The following CSMD1 variants were observed in gnomAD, a reference collection of about 807,000 sequenced individuals.
CSMD1 encodes CUB and Sushi multiple domains 1.
Under a neutral mutation model 417.5 loss-of-function variants are expected in CSMD1, and 213 were observed. The observed-to-expected ratio is 0.51, with a 90% confidence interval of 0.46 to 0.57. The LOEUF is 0.57. Ranked by LOEUF, CSMD1 falls within the 20% of genes least tolerant of loss-of-function variation. The pLI is 0.00. For missense variants in CSMD1, 6,923 were observed against 4,529.7 expected (o/e 1.53, Z -15.17); for synonymous variants, 2,862 against 1,736.8 (o/e 1.65, Z -16.11).
intron 2 of CSMD1, among the ~76,000 whole-genome samples, chr8:4,592,575 CAG>C (rs1339219015): frequency 1.3e-5 from 2 of 151,920 alleles, no homozygotes; most frequent in Non-Finnish European, 2.9e-5. Flanking sequence ...TTAGTAGAGA[CAG>C]AGTTTCACCA....
intron 1 of CSMD1, among the ~76,000 whole-genome samples, chr8:4,894,740 G>T (rs1257074631): frequency 6.6e-6 from 1 of 151,608 alleles, no homozygotes; most frequent in Non-Finnish European, 1.5e-5. Context: ...AGGACCGAGG[G>T]GGACCAAGTG....
chr8:3,772,477 A>C (rs1419933398), intron 5 of CSMD1, among the ~76,000 whole-genome samples: 5 of 52,178 alleles, frequency 9.6e-5, no homozygotes, highest in South Asian at 5.8e-4. Context: ...ACACATATAT[A>C]TACATATATA....
intron 42 of CSMD1, among the ~76,000 whole-genome samples, chr8:3,111,619 G>C (rs1464768705): frequency 6.6e-6 from 1 of 152,044 alleles, no homozygotes; most frequent in Non-Finnish European, 1.5e-5. Context: ...ATCACCTGAG[G>C]TCAGGAGTTT....
intron 1 of CSMD1, among the ~76,000 whole-genome samples, chr8:4,706,700 G>C (rs985141875): frequency 2.0e-5 from 3 of 152,140 alleles, no homozygotes; most frequent in African/African-American, 4.8e-5. Flanking sequence ...TGGCATGAAA[G>C]TCCAAAAAAC....
At chr8:4,144,760 G>C (rs551573134) in intron 3 of CSMD1, among the ~76,000 whole-genome samples, 1 of 150,912 alleles carries the variant, frequency 6.6e-6, no homozygotes, top group African/African-American at 2.5e-5. Context: ...TCAGACATAG[G>C]AGAACAGGAA....
chr8:4,312,200 T>C (rs1798622729), intron 3 of CSMD1, among the ~76,000 whole-genome samples: 1 of 151,850 alleles, frequency 6.6e-6, no homozygotes. Flanking sequence ...ATACACACTA[T>C]CTATATGCAT....
intron 10 of CSMD1, among the ~76,000 whole-genome samples, chr8:3,503,246 C>T (rs1179234655): frequency 1.3e-5 from 2 of 152,286 alleles, no homozygotes; most frequent in East Asian, 1.9e-4. Context: ...CTGGGATATC[C>T]TTGCTTTATC....
At chr8:4,724,655 C>T (rs998457172) in intron 1 of CSMD1, among the ~76,000 whole-genome samples, 3 of 151,810 alleles carry the variant, frequency 2.0e-5, no homozygotes, top group East Asian at 1.9e-4. Flanking sequence ...TTCACACAGA[C>T]ATTGAATAAA....
chr8:3,546,412 T>C (rs978875055), intron 10 of CSMD1, among the ~76,000 whole-genome samples: 2 of 152,022 alleles, frequency 1.3e-5, no homozygotes, highest in South Asian at 2.1e-4. Flanking sequence ...GGCATATTCC[T>C]GTAGTCCCAG....
intron 3 of CSMD1, among the ~76,000 whole-genome samples, chr8:4,212,751 CTTTTTTT>C (rs5889027): frequency 0.045 from 4,481 of 99,242 alleles, 131 homozygotes; most frequent in Middle Eastern, 0.17. Flanking sequence ...CGGCCTTATT[CTTTTTTT>C]TTTTTTTTTT....
At chr8:4,341,973 G>C (rs1175349606) in intron 3 of CSMD1, among the ~76,000 whole-genome samples, 1 of 152,112 alleles carries the variant, frequency 6.6e-6, no homozygotes, top group Non-Finnish European at 1.5e-5. Context: ...TGGTTCAAGA[G>C]ACGAAAGTGG....
chr8:3,034,178 C>T (rs1227890296), intron 50 of CSMD1, among the ~76,000 whole-genome samples: 2 of 152,228 alleles, frequency 1.3e-5, no homozygotes, highest in Non-Finnish European at 2.9e-5. Flanking sequence ...CAAAAGTTTT[C>T]TCTTAACAGG....
At chr8:3,566,701 A>G (rs1002917163) in intron 10 of CSMD1, among the ~76,000 whole-genome samples, 7 of 152,252 alleles carry the variant, frequency 4.6e-5, no homozygotes, top group African/African-American at 1.7e-4. Context: ...TGATCATTAG[A>G]GACATGGAAA....
In CSMD1 at chr8:3,616,810, G is replaced by A. The variant is rs747092224; in HGVS notation, c.1010-13C>T. 40 of 1,581,586 alleles carry A rather than the reference G, an allele frequency of 2.5e-5. No homozygotes were observed. In the East Asian group the frequency reaches 8.7e-4, roughly 35 times the overall value. On this transcript the variant is annotated splice_polypyrimidine_tract_variant and intron_variant, in intron 7 of 69. Transcript: ENST00000635120. ...CCTCCTTGGCTCACTGTAATAGACA[G>A]AAACATTGTCAAAATGCTGTATAGT...
chr8:4,301,952 T>C (rs1388433850), intron 3 of CSMD1, among the ~76,000 whole-genome samples: 1 of 152,216 alleles, frequency 6.6e-6, no homozygotes, highest in Middle Eastern at 3.2e-3. Context: ...TAATGCCTTA[T>C]CCTTCTTAGT....
intron 2 of CSMD1, among the ~76,000 whole-genome samples, chr8:4,467,710 T>A (rs1171338904): frequency 1.3e-5 from 2 of 152,154 alleles, no homozygotes; most frequent in South Asian, 2.1e-4. Context: ...ATTATCTTTT[T>A]AAAAAAATCT....
At chr8:3,113,925 A>C (rs77368090) in intron 42 of CSMD1, among the ~76,000 whole-genome samples, 2 of 152,234 alleles carry the variant, frequency 1.3e-5, no homozygotes, top group South Asian at 4.2e-4. Context: ...CATCAAATTA[A>C]AATTAAAACA....
In CSMD1 at chr8:4,897,710, C is replaced by G. The variant is rs186656843; in HGVS notation, c.85+96622G>C. ...TTTTTACATATTACTTAAATACATT[C>G]TATCTGCGTATTGAAGAATAAATTC... On this transcript the variant is annotated intron_variant, in intron 1 of 69. Transcript: ENST00000635120. Among the ~76,000 whole-genome samples the G allele has an allele frequency of 2.0e-4, 31 of 152,204 alleles. 1 individual carries two copies. The highest frequency in any genetic ancestry group is 7.5e-4 in the African/African-American group (31 of 41,480).
chr8:3,431,866 A>C (rs1418221426), intron 12 of CSMD1, among the ~76,000 whole-genome samples: 1 of 152,194 alleles, frequency 6.6e-6, no homozygotes, highest in Non-Finnish European at 1.5e-5. Flanking sequence ...CCACGCCCAC[A>C]GTGAGATAAG....
Sources: gnomAD v4.1 joint callset for allele counts (sites outside exome capture counted in the v4.1 genomes callset) on GRCh38, gnomAD v4.1.1 for gene constraint, MANE v1.5 for transcripts, NCBI Gene and HGNC (gene_info 2026-07-23, HGNC 2026-07-21) for gene names.